Variants in SEC13 observed in about 807,000 individuals in gnomAD.
SEC13 encodes the protein SEC13 homolog, nuclear pore and COPII component.
In SEC13, 25 loss-of-function variants were observed where a neutral mutation model predicts 49.2. The ratio of observed to expected loss-of-function variants is 0.51; its 90% confidence interval spans 0.37 to 0.71. The LOEUF (loss-of-function observed/expected upper bound fraction) is 0.71. Among genes scored for constraint, SEC13 ranks in the 30% least tolerant of loss-of-function variants. The pLI, the probability that SEC13 is intolerant of heterozygous loss-of-function variation, is 0.00. For synonymous variants in SEC13, 148 were observed against 163.9 expected (o/e 0.90, Z 0.74); for missense variants, 383 against 417.6 (o/e 0.92, Z 0.72).
intron 8 of SEC13, among the ~76,000 whole-genome samples, chr3:10,303,367 A>T (rs554033423): frequency 1.9e-4 from 29 of 152,274 alleles, no homozygotes; most frequent in Non-Finnish European, 3.7e-4. Flanking sequence ...TCAGCTGGGC[A>T]GATGGCTATG....
At chr3:10,308,202 CAA>C (rs1362584119) in intron 5 of SEC13, among the ~76,000 whole-genome samples, 1 of 152,176 alleles carries the variant, frequency 6.6e-6, no homozygotes, top group Non-Finnish European at 1.5e-5. Context: ...CCATCATTCC[CAA>C]AAGTTTCCTC....
intron 6 of SEC13, chr3:10,305,357 T>C: frequency 9.5e-7 from 1 of 1,058,174 alleles, no homozygotes; most frequent in South Asian, 1.7e-5. Flanking sequence ...AGCCAAAGAG[T>C]CAGCTCCAAC....
At chr3:10,316,276 C>T (rs1013049446) in intron 2 of SEC13, among the ~76,000 whole-genome samples, 1 of 152,160 alleles carries the variant, frequency 6.6e-6, no homozygotes, top group African/African-American at 2.4e-5. Context: ...TCCCTTTCCC[C>T]AGCTGTCCCA....
chr3:10,305,501 G>A, intron 6 of SEC13, 58 bp downstream of exon 6: 3 of 1,586,498 alleles, frequency 1.9e-6, no homozygotes, highest in East Asian at 2.2e-5. Flanking sequence ...GAGTCATGGT[G>A]AGTAGGGTAA....
chr3:10,302,696 G>A (rs1346972789), intron 8 of SEC13, among the ~76,000 whole-genome samples: 1 of 152,180 alleles, frequency 6.6e-6, no homozygotes, highest in East Asian at 1.9e-4. Flanking sequence ...CCCTCGGCCA[G>A]AAAAGCCGCC....
chr3:10,305,811 A>G, intron 5 of SEC13, 119 bp from the exon 6 acceptor site: 1 of 1,073,274 alleles, frequency 9.3e-7, no homozygotes, highest in Non-Finnish European at 1.4e-6. Flanking sequence ...GAAGGCTGAC[A>G]TGAAGCACTC....
chr3:10,304,811 G>A (rs985892030), intron 7 of SEC13, among the ~76,000 whole-genome samples: 3 of 152,174 alleles, frequency 2.0e-5, no homozygotes, highest in Admixed American at 6.5e-5. Flanking sequence ...CCTCCTTCTT[G>A]GTGCCGGTTC....
intron 5 of SEC13, among the ~76,000 whole-genome samples, chr3:10,309,024 G>C (rs754458319): frequency 4.9e-5 from 7 of 143,818 alleles, no homozygotes; most frequent in African/African-American, 1.8e-4. Context: ...TGCAACCTCT[G>C]ACTCCCGGGT....
In SEC13 at chr3:10,312,111, G is replaced by A. The variant is rs1245435705; in HGVS notation, c.317-13C>T. 3 of 1,583,270 alleles carry A rather than the reference G, an allele frequency of 1.9e-6. No individual in the cohort carries two copies. In the South Asian group the frequency reaches 3.4e-5, roughly 18 times the overall value. ...CACACCGAGTTCACTGCGGGAAGAG[G>A]GAGAGTGCAGTGAGCAAAGCAGGGA... On this transcript the variant is annotated splice_polypyrimidine_tract_variant and intron_variant, in intron 4 of 8. Transcript: ENST00000350697.
chr3:10,307,089 T>C (rs1275726841), intron 5 of SEC13, among the ~76,000 whole-genome samples: 1 of 152,208 alleles, frequency 6.6e-6, no homozygotes, highest in African/African-American at 2.4e-5. Context: ...GGTCTCACTG[T>C]CACCCAGGCT....
Position 10,305,144 on chromosome 3 carries a change from G to GTCC in SEC13, c.594_596dup (p.Glu198dup), listed in dbSNP as rs761702798. 6.2e-7 allele frequency: 1 copy of GTCC among 1,612,320 alleles called. No individual in the cohort carries two copies. The highest frequency in any genetic ancestry group is 8.5e-7 in the Non-Finnish European group (1 of 1,179,090). ...GCTTCTGCTCCTCCTTCCACTGGCC[G>GTCC]TCCTCCTCCTCCCTAACAGTGGGGA... On this transcript the variant is annotated inframe_insertion, in exon 7 of 9. Coordinates refer to ENST00000350697, the MANE Select transcript of SEC13 (RefSeq NM_183352.3).
chr3:10,301,551 G>C (rs968121574), intron 8 of SEC13, among the ~76,000 whole-genome samples, 177 bp from the exon 9 acceptor site: 8 of 152,056 alleles, frequency 5.3e-5, no homozygotes, highest in African/African-American at 1.9e-4. Flanking sequence ...AAAACTCACA[G>C]AAAAAAAGGA....
chr3:10,319,897 A>C (rs1574898063), intron 1 of SEC13, among the ~76,000 whole-genome samples: 1 of 80,526 alleles, frequency 1.2e-5, no homozygotes, highest in Admixed American at 1.4e-4. Flanking sequence ...GGAAGGGGGG[A>C]GGAAGAGGGA....
chr3:10,301,086 A>G lies in SEC13; in HGVS notation c.*175T>C, dbSNP rs1700469075. On this transcript the variant is annotated 3_prime_UTR_variant, in exon 9 of 9. Transcript: ENST00000350697. ...AGTGCTTTCAGCTGGACAGTAGATTACAAAGCATCTCCGATCACGTTAAGG... is the reference window on the plus strand; with the variant it reads ...AGTGCTTTCAGCTGGACAGTAGATTGCAAAGCATCTCCGATCACGTTAAGG... The G allele has an allele frequency of 3.7e-6, 6 of 1,612,248 alleles. No individual in the cohort carries two copies. The highest frequency in any genetic ancestry group is 2.2e-5 in the East Asian group (1 of 44,886).
intron 8 of SEC13, 64 bp downstream of exon 8, chr3:10,303,962 C>T (rs1700701913): frequency 6.3e-7 from 1 of 1,587,656 alleles, no homozygotes; most frequent in Admixed American, 1.7e-5. Flanking sequence ...CAAGTGCCCT[C>T]TCTAGTGGGC....
intron 8 of SEC13, chr3:10,303,703 C>G: frequency 2.5e-6 from 1 of 408,156 alleles, no homozygotes. Context: ...TTTGGCACAG[C>G]TAACTGAACA....
At chr3:10,307,458 C>CA (rs926472412) in intron 5 of SEC13, among the ~76,000 whole-genome samples, 9 of 151,424 alleles carry the variant, frequency 5.9e-5, no homozygotes, top group South Asian at 2.1e-4. Flanking sequence ...GGGCAGTTTA[C>CA]AAAAAAAAGA....
intron 3 of SEC13, 27 bp from the exon 4 acceptor site, chr3:10,312,757 A>G: frequency 6.2e-7 from 1 of 1,613,176 alleles, no homozygotes; most frequent in Non-Finnish European, 8.5e-7. Context: ...AGGCCAGAGG[A>G]ACCCACAGTG....
intron 7 of SEC13, 82 bp from the exon 8 acceptor site, chr3:10,304,254 C>T: frequency 7.0e-7 from 1 of 1,428,582 alleles, no homozygotes; most frequent in African/African-American, 1.4e-5. Context: ...TCTAGAGCCA[C>T]CCGGCACCTC....
Sources: gnomAD v4.1 joint callset for allele counts (sites outside exome capture counted in the v4.1 genomes callset) on GRCh38, gnomAD v4.1.1 for gene constraint, MANE v1.5 for transcripts, NCBI Gene and HGNC (gene_info 2026-07-23, HGNC 2026-07-21) for gene names.